Variants in CNTN6 observed in about 807,000 individuals in gnomAD.
The protein encoded by CNTN6 is contactin 6.
CNTN6 carries 137 observed loss-of-function variants against 122.8 expected under a neutral mutation model. The observed-to-expected ratio is 1.12, with a 90% confidence interval of 0.97 to 1.29. The LOEUF (loss-of-function observed/expected upper bound fraction) is 1.29. Among genes scored for constraint, CNTN6 ranks in the 50% most tolerant of loss-of-function variants. The pLI, the probability that CNTN6 is intolerant of heterozygous loss-of-function variation, is 0.00. For missense variants in CNTN6, 1,634 were observed against 1,223.4 expected, an observed-to-expected ratio of 1.34 and a Z score of -5.01; for synonymous variants, 570 against 426.0, an observed-to-expected ratio of 1.34 and a Z score of -4.16.
intron 4 of CNTN6, among the ~76,000 whole-genome samples, chr3:1,269,207 C>G (rs879854924): frequency 6.6e-6 from 1 of 152,052 alleles, no homozygotes; most frequent in Non-Finnish European, 1.5e-5. Context: ...TAGAAAGATA[C>G]TAAATAATCT....
intron 2 of CNTN6, among the ~76,000 whole-genome samples, chr3:1,149,358 C>T (rs562296174): frequency 3.9e-5 from 6 of 152,136 alleles, no homozygotes; most frequent in Admixed American, 1.3e-4. Flanking sequence ...TGAAGTTTCA[C>T]GTACTTATAA....
At chr3:1,148,455 A>G (rs2092769939) in intron 2 of CNTN6, among the ~76,000 whole-genome samples, 1 of 143,992 alleles carries the variant, frequency 6.9e-6, no homozygotes, top group South Asian at 2.1e-4. Context: ...TAAAATTAAA[A>G]TACATATTTC....
intron 1 of CNTN6, among the ~76,000 whole-genome samples, chr3:1,116,839 G>A (rs1012402967): frequency 2.6e-5 from 4 of 151,752 alleles, no homozygotes; most frequent in African/African-American, 9.7e-5. Context: ...CGAGTAGCTG[G>A]GATTACAGGC....
At chr3:1,111,785 G>A (rs2091491824) in intron 1 of CNTN6, among the ~76,000 whole-genome samples, 2 of 152,146 alleles carry the variant, frequency 1.3e-5, no homozygotes, top group South Asian at 2.1e-4. Context: ...TGAAATCAGT[G>A]TAGAACAGGA....
intron 6 of CNTN6, 77 bp from the exon 7 acceptor site, chr3:1,297,812 T>A: frequency 9.2e-7 from 1 of 1,081,388 alleles, no homozygotes; most frequent in Non-Finnish European, 1.4e-6. Context: ...ATAATCAGGT[T>A]TTGGTTAATG....
intron 6 of CNTN6, 101 bp from the exon 7 acceptor site, chr3:1,297,788 C>G: frequency 1.1e-6 from 1 of 898,312 alleles, no homozygotes; most frequent in South Asian, 1.5e-5. Context: ...AACCCTAACT[C>G]TTATTAAGAA....
intron 1 of CNTN6, among the ~76,000 whole-genome samples, chr3:1,107,987 A>G (rs1313597367): frequency 1.3e-5 from 2 of 152,112 alleles, no homozygotes; most frequent in African/African-American, 2.4e-5. Flanking sequence ...GATGATAAAT[A>G]TAATTATAAT....
chr3:1,102,499 G>C (rs1014554966), intron 1 of CNTN6, among the ~76,000 whole-genome samples: 5 of 151,970 alleles, frequency 3.3e-5, no homozygotes, highest in African/African-American at 1.2e-4. Context: ...GGGAGGCCGA[G>C]GTGGGCGGAT....
intron 7 of CNTN6, among the ~76,000 whole-genome samples, chr3:1,317,851 G>A (rs1426111524): frequency 2.0e-5 from 3 of 150,462 alleles, no homozygotes; most frequent in Non-Finnish European, 3.0e-5. Flanking sequence ...ATGAGATGGG[G>A]AGGATTGGGC....
chr3:1,368,883 T>A (rs1041489127), intron 12 of CNTN6, among the ~76,000 whole-genome samples: 2 of 152,150 alleles, frequency 1.3e-5, no homozygotes, highest in African/African-American at 2.4e-5. Flanking sequence ...TTCCTCTTTT[T>A]CAAAAAAGAC....
At chr3:1,353,740 T>C (rs1559902875) in intron 12 of CNTN6, among the ~76,000 whole-genome samples, 2 of 151,570 alleles carry the variant, frequency 1.3e-5, no homozygotes, top group Non-Finnish European at 3.0e-5. Context: ...CATTTCAAAT[T>C]AAGAAGGTGT....
At chr3:1,243,031 G>A (rs1220922762) in intron 4 of CNTN6, among the ~76,000 whole-genome samples, 2 of 152,164 alleles carry the variant, frequency 1.3e-5, no homozygotes, top group Non-Finnish European at 2.9e-5. Context: ...CGTCCGTGAT[G>A]GTCTACGGGG....
intron 7 of CNTN6, among the ~76,000 whole-genome samples, chr3:1,310,843 A>C (rs902663763): frequency 1.3e-5 from 2 of 152,112 alleles, no homozygotes; most frequent in Non-Finnish European, 2.9e-5. Flanking sequence ...CTCTACTAAA[A>C]ATACAAAATC....
At chr3:1,153,625 A>G (rs980762148) in intron 2 of CNTN6, among the ~76,000 whole-genome samples, 1 of 152,132 alleles carries the variant, frequency 6.6e-6, no homozygotes, top group African/African-American at 2.4e-5. Context: ...CTTTCTAAAT[A>G]CTCACAGTCA....
chr3:1,292,134 T>A (rs1009339361), intron 5 of CNTN6, among the ~76,000 whole-genome samples: 1 of 152,104 alleles, frequency 6.6e-6, no homozygotes, highest in Non-Finnish European at 1.5e-5. Context: ...GCTATCCTTC[T>A]CAAATTTAGA....
intron 2 of CNTN6, among the ~76,000 whole-genome samples, chr3:1,189,927 G>C (rs140812066): frequency 6.6e-6 from 1 of 152,184 alleles, no homozygotes; most frequent in Non-Finnish European, 1.5e-5. Flanking sequence ...GCAAAATGAT[G>C]ATATGAATTT....
rs149759183 is a variant in CNTN6 at position 1,222,150 on chromosome 3, TC to T, written c.182+1339del. 2.2e-3 allele frequency among the ~76,000 whole-genome samples: 341 copies of T among 152,290 alleles called. 3 individuals are homozygous for T. Among genetic ancestry groups the T allele is most frequent in the African/African-American group, 7.9e-3 (328 of 41,566 alleles). On this transcript the variant is annotated intron_variant, in intron 3 of 22. Transcript: ENST00000446702. The stretch of plus-strand genomic sequence containing the variant: ...TCTTCTCATTCCACAGACTAAAGCT[TC>T]CTTGTCTTTATCATACCCAAACCAG...
intron 2 of CNTN6, among the ~76,000 whole-genome samples, chr3:1,200,036 T>C (rs2093838886): frequency 6.6e-6 from 1 of 152,218 alleles, no homozygotes; most frequent in African/African-American, 2.4e-5. Context: ...TTTAGACATA[T>C]ATATATGTCT....
intron 7 of CNTN6, among the ~76,000 whole-genome samples, chr3:1,314,059 G>A (rs1408439245): frequency 6.6e-6 from 1 of 152,016 alleles, no homozygotes; most frequent in Non-Finnish European, 1.5e-5. Context: ...TTTCCTAGTA[G>A]GGACTGACTG....
Sources: allele counts gnomAD v4.1 joint callset (sites outside exome capture counted in the v4.1 genomes callset), GRCh38; gene constraint gnomAD v4.1.1; transcripts MANE v1.5; gene names NCBI Gene and HGNC (gene_info 2026-07-23, HGNC 2026-07-21).